MAPK8: variants seen among roughly 807,000 people sequenced by gnomAD.
The protein encoded by MAPK8 is JUN N-terminal kinase.
MAPK8 carries 13 observed loss-of-function variants against 52.9 expected under a neutral mutation model. The ratio of observed to expected loss-of-function variants is 0.25; its 90% CI spans 0.16 to 0.39. The LOEUF (loss-of-function observed/expected upper bound fraction) is 0.39. MAPK8 is among the 10% of genes least tolerant of loss of function. The pLI is 1.00. For synonymous variants in MAPK8, 191 were observed against 169.8 expected, an observed-to-expected ratio of 1.12 and a Z score of -0.97; for missense variants, 300 against 519.2, an observed-to-expected ratio of 0.58 and a Z score of 4.10.
chr10:48,413,248 C>T (rs920515180), intron 5 of MAPK8, among the ~76,000 whole-genome samples: 1 of 149,484 alleles, frequency 6.7e-6, no homozygotes, highest in African/African-American at 2.5e-5. Context: ...CTGCTATGAA[C>T]ATGGTTGTCC....
At chr10:48,379,375 T>C (rs2040854682) in intron 1 of MAPK8, among the ~76,000 whole-genome samples, 1 of 152,226 alleles carries the variant, frequency 6.6e-6, no homozygotes, top group Admixed American at 6.5e-5. Context: ...GATCATATGC[T>C]GTTCCAGTTA....
chr10:48,413,183 A>T (rs913435216), intron 5 of MAPK8, among the ~76,000 whole-genome samples: 2 of 152,164 alleles, frequency 1.3e-5, no homozygotes, highest in African/African-American at 4.8e-5. Context: ...TTGCTTATCC[A>T]TTCATCAGTC....
At chr10:48,330,072 A>G (rs1843976158) in intron 1 of MAPK8, among the ~76,000 whole-genome samples, 1 of 152,154 alleles carries the variant, frequency 6.6e-6, no homozygotes, top group Non-Finnish European at 1.5e-5. Flanking sequence ...ATTTATATAC[A>G]TGGGTACACA....
At chr10:48,321,852 G>A (rs1480983697) in intron 1 of MAPK8, among the ~76,000 whole-genome samples, 1 of 152,084 alleles carries the variant, frequency 6.6e-6, no homozygotes, top group African/African-American at 2.4e-5. Flanking sequence ...ATTGATCTAT[G>A]TGTCTATTCT....
Position 48,435,004 on chromosome 10 carries a change from C to A in MAPK8, c.1259C>A (p.Ala420Asp), listed in dbSNP as rs142606131. 82 of 1,345,262 alleles carry A rather than the reference C, an allele frequency of 6.1e-5. No individual in the cohort carries two copies. Among genetic ancestry groups the A allele is most frequent in the Non-Finnish European group, 7.8e-5 (79 of 1,014,666 alleles). 83.3% of individuals were successfully genotyped at this position (1,345,262 alleles called of 1,614,324 possible). ...ACAGACAGCAGTCTAGAAGCAGCAGCTGGGCCTCTGGGCTGCTGTAGATGA... is the reference window on the plus strand; with the variant it reads ...ACAGACAGCAGTCTAGAAGCAGCAGATGGGCCTCTGGGCTGCTGTAGATGA... ...SDTDSSLEAAAGPLGCCR is the reference protein window; with the variant it reads ...SDTDSSLEAADGPLGCCR Residue 420 changes from alanine to aspartate, a missense_variant, in exon 12 of 12, where the codon GCT becomes GAT. Transcript: ENST00000374189.
intron 5 of MAPK8, 150 bp downstream of exon 5, chr10:48,410,318 C>T (rs903503042): frequency 1.5e-5 from 8 of 549,572 alleles, no homozygotes; most frequent in Non-Finnish European, 2.0e-5. Flanking sequence ...ATTTTCATTA[C>T]CCCCAAAAAA....
intron 3 of MAPK8, 50 bp downstream of exon 3, chr10:48,405,031 T>C (rs1329672130): frequency 7.5e-7 from 1 of 1,342,268 alleles, no homozygotes; most frequent in East Asian, 2.4e-5. Context: ...CAAGATTTAT[T>C]CATGAATATG....
At chr10:48,365,705 A>C (rs893889649) in intron 1 of MAPK8, among the ~76,000 whole-genome samples, 2 of 152,162 alleles carry the variant, frequency 1.3e-5, no homozygotes, top group African/African-American at 4.8e-5. Context: ...GTATTTTTTA[A>C]AGCATATTGA....
chr10:48,342,933 A>G (rs1845442994), intron 1 of MAPK8, among the ~76,000 whole-genome samples: 1 of 152,188 alleles, frequency 6.6e-6, no homozygotes, highest in Non-Finnish European at 1.5e-5. Flanking sequence ...AGCCAGAGCA[A>G]AGGAATATAG....
chr10:48,354,673 A>G (rs553441122), intron 1 of MAPK8, among the ~76,000 whole-genome samples: 90 of 152,192 alleles, frequency 5.9e-4, no homozygotes, highest in Non-Finnish European at 9.7e-4. Context: ...TGCAAAAATT[A>G]TTTGTATAGC....
At chr10:48,337,923 C>T (rs918281041) in intron 1 of MAPK8, among the ~76,000 whole-genome samples, 7 of 151,968 alleles carry the variant, frequency 4.6e-5, no homozygotes, top group Non-Finnish European at 1.0e-4. Context: ...CTGAACAGAC[C>T]AATAACGAGT....
intron 1 of MAPK8, among the ~76,000 whole-genome samples, chr10:48,349,611 A>T (rs970220255): frequency 6.6e-6 from 1 of 152,218 alleles, no homozygotes; most frequent in Admixed American, 6.5e-5. Context: ...TCTGGGACAC[A>T]GCTAAAGCAG....
chr10:48,371,742 C>A (rs1007585036), intron 1 of MAPK8, among the ~76,000 whole-genome samples: 4 of 152,098 alleles, frequency 2.6e-5, no homozygotes, highest in Non-Finnish European at 5.9e-5. Flanking sequence ...ACACTGCCCC[C>A]CTACTTCAGA....
intron 1 of MAPK8, among the ~76,000 whole-genome samples, chr10:48,357,628 G>T (rs1461597931): frequency 5.3e-5 from 8 of 152,048 alleles, no homozygotes; most frequent in Non-Finnish European, 1.0e-4. Flanking sequence ...GAACCCCTGG[G>T]CTCAAGCAAT....
chr10:48,404,932 A>G lies in MAPK8; in HGVS notation c.203A>G (p.Lys68Arg). The G allele has an allele frequency of 6.2e-7, 1 of 1,610,236 alleles. No individual in the cohort carries two copies. Among genetic ancestry groups the G allele is most frequent in the Non-Finnish European group, 8.5e-7 (1 of 1,177,442 alleles). ...SRPFQNQTHA[K>R]RAYRELVLMK... ...CCATTTCAGAATCAGACTCATGCCA[A>G]GCGGGCCTACAGAGAGCTAGTTCTT... Residue 68 changes from lysine to arginine, a missense_variant, in exon 3 of 12, where the codon AAG becomes AGG. By Grantham distance (26) the Lys-to-Arg change is conservative. This residue lies in a region of MAPK8 where 147 missense variants were observed against 328.1 expected (regional missense o/e 0.45). Transcript: ENST00000374189.
intron 5 of MAPK8, among the ~76,000 whole-genome samples, chr10:48,415,384 G>A (rs1672628138): frequency 6.6e-6 from 1 of 152,080 alleles, no homozygotes; most frequent in South Asian, 2.1e-4. Context: ...CAGAAAAACA[G>A]ACCAAATGGT....
At chr10:48,373,499 C>T (rs1451070354) in intron 1 of MAPK8, among the ~76,000 whole-genome samples, 1 of 137,386 alleles carries the variant, frequency 7.3e-6, no homozygotes, top group African/African-American at 2.7e-5. Flanking sequence ...TCAGGAGACC[C>T]ATTTCACGTG....
At chr10:48,374,071 G>A (rs931675275) in intron 1 of MAPK8, among the ~76,000 whole-genome samples, 2 of 152,156 alleles carry the variant, frequency 1.3e-5, no homozygotes, top group African/African-American at 4.8e-5. Flanking sequence ...AGTCAAATTA[G>A]AGCTCAGGAT....
At chr10:48,423,211 T>C (rs1198205378) in intron 6 of MAPK8, among the ~76,000 whole-genome samples, 2 of 152,232 alleles carry the variant, frequency 1.3e-5, no homozygotes, top group Non-Finnish European at 2.9e-5. Flanking sequence ...GTCTAGCAGA[T>C]TCTTGTCAAC....
Sources: gnomAD v4.1 joint callset for allele counts (sites outside exome capture counted in the v4.1 genomes callset) on GRCh38, gnomAD v4.1.1 for gene constraint, gnomAD v4.1.1 regional missense constraint, MANE v1.5 for transcripts, NCBI Gene and HGNC (gene_info 2026-07-23, HGNC 2026-07-21) for gene names.